The following ATL2 variants were observed in gnomAD, a reference collection of about 807,000 sequenced individuals.
ATL2 encodes the protein atlastin GTPase 2.
Under a neutral mutation model 73.9 loss-of-function variants are expected in ATL2, and 31 were observed. The ratio of observed to expected loss-of-function variants is 0.42; its 90% CI spans 0.32 to 0.57. The LOEUF (loss-of-function observed/expected upper bound fraction) is 0.57, where lower values mean the gene tolerates loss of function less well. Ranked by LOEUF, ATL2 falls within the 20% of genes least tolerant of loss-of-function variation. ATL2 has a pLI of 0.14. For missense variants in ATL2, 738 were observed against 702.6 expected, an observed-to-expected ratio of 1.05 and a Z score of -0.57; for synonymous variants, 291 against 237.5, an observed-to-expected ratio of 1.23 and a Z score of -2.07.
At chr2:38,297,929 A>T in intron 12 of ATL2, 1 of 487,118 alleles carries the variant, frequency 2.1e-6, no homozygotes, top group Non-Finnish European at 3.6e-6. Context: ...ATCTATCCAG[A>T]GGATAGTACA....
intron 7 of ATL2, among the ~76,000 whole-genome samples, chr2:38,312,273 G>A (rs992492948): frequency 6.6e-6 from 1 of 152,192 alleles, no homozygotes; most frequent in Non-Finnish European, 1.5e-5. Flanking sequence ...TGTGTCGGGG[G>A]AGGGGCCTGG....
chr2:38,306,305 T>C (rs1667443420), intron 9 of ATL2, among the ~76,000 whole-genome samples: 1 of 152,214 alleles, frequency 6.6e-6, no homozygotes. Flanking sequence ...TGCTGAATTT[T>C]ATCAAACATT....
intron 2 of ATL2, among the ~76,000 whole-genome samples, chr2:38,336,652 T>A (rs925371603): frequency 1.3e-5 from 2 of 152,214 alleles, no homozygotes; most frequent in African/African-American, 4.8e-5. Context: ...TACATAATAG[T>A]TTTTAGAATA....
Position 38,310,437 on chromosome 2 carries a change from T to G in ATL2, c.815A>C (p.Asn272Thr). 1 of 1,593,716 alleles carries G rather than the reference T, an allele frequency of 6.3e-7. No individual in the cohort carries two copies. Among genetic ancestry groups the G allele is most frequent in the Non-Finnish European group, 8.5e-7 (1 of 1,172,296 alleles). ...FLEKRLQVKQ[N>T]QHEELQNVRK... ...TACATTCTGAAGCTCTTCATGTTGA[T>G]TTTGTTTTACCTGAGGGCGGAGAGA... The change falls in exon 8 of 13, where the codon AAT becomes ACT. Residue 272 changes from asparagine (N) to threonine (T), a missense_variant. Asn to Thr is a moderately conservative substitution (Grantham distance 65, BLOSUM62 0). Coordinates refer to ENST00000378954, the MANE Select transcript of ATL2 (RefSeq NM_001135673.4).
intron 5 of ATL2, 52 bp downstream of exon 5, chr2:38,315,232 C>A (rs367623854): frequency 8.1e-5 from 114 of 1,400,268 alleles, no homozygotes; most frequent in Non-Finnish European, 1.0e-4. Flanking sequence ...GTCTGGGGAA[C>A]AAGAGCGAAA....
rs558494139 is a variant in ATL2, at chr2:38,294,721, A to G, written c.*1273T>C. On this transcript the variant is annotated 3_prime_UTR_variant, in exon 13 of 13. Transcript: ENST00000378954. ...ATCATAGGTTTTCCCTTATAGAGAC[A>G]GACACAGAAAAGTAACTTTTTACAA... Among the ~76,000 whole-genome samples, 167 of 152,072 alleles carry G rather than the reference A, an allele frequency of 1.1e-3. 2 individuals carry two copies. In the South Asian group the frequency reaches 0.033, roughly 30 times the overall value.
At chr2:38,325,699 T>TACACACACACAC (rs1221635411) in intron 2 of ATL2, among the ~76,000 whole-genome samples, 25 of 11,286 alleles carry the variant, frequency 2.2e-3, no homozygotes, top group Middle Eastern at 0.056. Context: ...CACACACCAG[T>TACACACACACAC]ACACACACAC....
In ATL2 at chr2:38,365,861, G is replaced by C. The variant is rs947319904; in HGVS notation, c.118+11282C>G. ...ACTCGGGAGGCTGAGGCAGGAGAAT[G>C]GTTTGAATCTGGGAAGCAGAGGTTG... On this transcript the variant is annotated intron_variant, in intron 1 of 12. Coordinates refer to ENST00000378954, the MANE Select transcript of ATL2 (RefSeq NM_001135673.4). Among the ~76,000 whole-genome samples the C allele has an allele frequency of 2.6e-5, 4 of 151,960 alleles. No individual in the cohort carries two copies. In the East Asian group the frequency reaches 5.8e-4, roughly 22 times the overall value.
At chr2:38,324,270 C>T (rs1055628782) in intron 2 of ATL2, among the ~76,000 whole-genome samples, 9 of 152,126 alleles carry the variant, frequency 5.9e-5, no homozygotes, top group Non-Finnish European at 1.0e-4. Flanking sequence ...AAAAGCGAAA[C>T]TCAGTCTCAA....
chr2:38,376,970 C>G (rs1001183849), intron 1 of ATL2, among the ~76,000 whole-genome samples, 173 bp downstream of exon 1: 3 of 151,124 alleles, frequency 2.0e-5, no homozygotes, highest in African/African-American at 7.3e-5. Context: ...CCGCGCGCTG[C>G]GGGAGCGCGG....
At chr2:38,337,953 T>C (rs1205234864) in intron 2 of ATL2, among the ~76,000 whole-genome samples, 2 of 152,222 alleles carry the variant, frequency 1.3e-5, no homozygotes, top group African/African-American at 2.4e-5. Flanking sequence ...GCACTGTGTT[T>C]AGTTTCATGT....
At chr2:38,318,796 C>A in intron 3 of ATL2, 89 bp downstream of exon 3, 1 of 1,459,610 alleles carries the variant, frequency 6.9e-7, no homozygotes, top group Non-Finnish European at 9.4e-7. Context: ...AGTTATCAAA[C>A]ATTAATAGTT....
chr2:38,322,190 C>CA (rs11405964), intron 2 of ATL2, among the ~76,000 whole-genome samples: 13,689 of 138,868 alleles, frequency 0.099, 1,750 homozygotes, highest in African/African-American at 0.3. Flanking sequence ...CCCACAATGT[C>CA]AAAAAAAAAA....
At chr2:38,349,655 T>G (rs1019276486) in intron 1 of ATL2, among the ~76,000 whole-genome samples, 1 of 151,142 alleles carries the variant, frequency 6.6e-6, no homozygotes, top group African/African-American at 2.4e-5. Flanking sequence ...ACATGTACCC[T>G]AAAACTTAAA....
chr2:38,370,085 G>T (rs894907536), intron 1 of ATL2, among the ~76,000 whole-genome samples: 3 of 144,672 alleles, frequency 2.1e-5, no homozygotes, highest in Admixed American at 6.9e-5. Context: ...ACCCCGGGGG[G>T]CGGAGCCTGC....
At chr2:38,376,015 A>AT in intron 1 of ATL2, 1 of 1,319,418 alleles carries the variant, frequency 7.6e-7, no homozygotes, top group Non-Finnish European at 9.8e-7. Flanking sequence ...AATGCTTTAC[A>AT]TTTTATCCAG....
At chr2:38,312,272 G>T (rs1340452783) in intron 7 of ATL2, among the ~76,000 whole-genome samples, 1 of 152,164 alleles carries the variant, frequency 6.6e-6, no homozygotes, top group Non-Finnish European at 1.5e-5. Flanking sequence ...ATGTGTCGGG[G>T]GAGGGGCCTG....
intron 1 of ATL2, 63 bp from the exon 2 acceptor site, chr2:38,343,575 A>G (rs1013933032): frequency 6.6e-6 from 10 of 1,506,970 alleles, no homozygotes; most frequent in Non-Finnish European, 9.0e-6. Flanking sequence ...TTCATTAAGG[A>G]CCACAACTAA....
intron 8 of ATL2, 88 bp from the exon 9 acceptor site, chr2:38,309,594 T>C (rs1667637582): frequency 7.7e-7 from 1 of 1,299,534 alleles, no homozygotes; most frequent in Non-Finnish European, 1.1e-6. Flanking sequence ...TTTTATGAAA[T>C]AAGAATACAT....
Sources: allele counts gnomAD v4.1 joint callset (sites outside exome capture counted in the v4.1 genomes callset), GRCh38; gene constraint gnomAD v4.1.1; transcripts MANE v1.5; gene names NCBI Gene and HGNC (gene_info 2026-07-23, HGNC 2026-07-21).